HEMK2: variants seen among roughly 807,000 people sequenced by gnomAD.
HEMK2 encodes HemK methyltransferase 2, ETF1 glutamine and histone H4 lysine, also known as methyltransferase HEMK2.
the HEMK2 span, among the ~76,000 whole-genome samples, chr21:28,881,732 AG>A: frequency 6.6e-6 from 1 of 151,004 alleles, no homozygotes; most frequent in Non-Finnish European, 1.5e-5. Context: ...CCCAGGGTCA[AG>A]TGATCCTCGC....
the HEMK2 span, chr21:28,876,557 T>C: frequency 2.1e-6 from 2 of 947,674 alleles, no homozygotes; most frequent in Non-Finnish European, 1.6e-6. Context: ...CAATAAGCAA[T>C]TTAATAAGTT....
chr21:28,700,086 T>C, the HEMK2 span, among the ~76,000 whole-genome samples: 1 of 152,130 alleles, frequency 6.6e-6, no homozygotes, highest in African/African-American at 2.4e-5. Flanking sequence ...TAACAAAACA[T>C]CCAGGAGGAG....
the HEMK2 span, among the ~76,000 whole-genome samples, chr21:28,770,143 T>G: frequency 1.2e-4 from 18 of 152,160 alleles, no homozygotes; most frequent in Non-Finnish European, 2.2e-4. Flanking sequence ...TAAGTTGTAT[T>G]TTCCATCTCA....
the HEMK2 span, among the ~76,000 whole-genome samples, chr21:28,844,245 G>A: frequency 3.3e-5 from 5 of 152,028 alleles, 1 homozygote; most frequent in South Asian, 1.0e-3. Context: ...CCTCAACAGT[G>A]GCTGATGGTC....
At chr21:28,664,842 G>A in the HEMK2 span, among the ~76,000 whole-genome samples, 2,514 of 152,122 alleles carry the variant, frequency 0.017, 71 homozygotes, top group African/African-American at 0.056. Flanking sequence ...ATACTCAAGA[G>A]GGGTAGATTT....
the HEMK2 span, among the ~76,000 whole-genome samples, chr21:28,745,537 AC>A: frequency 6.6e-5 from 10 of 152,162 alleles, no homozygotes; most frequent in Non-Finnish European, 1.5e-4. Flanking sequence ...AGTCCTCGGA[AC>A]CAAGAAAACG....
At chr21:28,716,560 C>G in the HEMK2 span, among the ~76,000 whole-genome samples, 1 of 152,134 alleles carries the variant, frequency 6.6e-6, no homozygotes, top group South Asian at 2.1e-4. Context: ...TTCTAGATAT[C>G]AAATCATATC....
the HEMK2 span, among the ~76,000 whole-genome samples, chr21:28,727,825 C>T: frequency 1.3e-5 from 2 of 152,094 alleles, no homozygotes; most frequent in African/African-American, 4.8e-5. Flanking sequence ...AGCCTGAGGG[C>T]TTGCTTGAAA....
the HEMK2 span, among the ~76,000 whole-genome samples, chr21:28,697,878 G>A: frequency 4.6e-5 from 7 of 151,330 alleles, no homozygotes; most frequent in Non-Finnish European, 8.8e-5. Context: ...CCATAGACAC[G>A]GTGACTTGTA....
the HEMK2 span, among the ~76,000 whole-genome samples, chr21:28,838,947 CAAAAAAAAAAAA>C: frequency 4.8e-5 from 1 of 20,974 alleles, no homozygotes; most frequent in African/African-American, 1.8e-4. Flanking sequence ...AACTCCGCCT[CAAAAAAAAAAAA>C]AAAAAAAAAA....
the HEMK2 span, among the ~76,000 whole-genome samples, chr21:28,613,105 T>C: frequency 6.7e-6 from 1 of 150,128 alleles, no homozygotes; most frequent in Non-Finnish European, 1.5e-5. Context: ...GAAAGATAGA[T>C]AGATAGATAG....
the HEMK2 span, among the ~76,000 whole-genome samples, chr21:28,742,252 G>A: frequency 0.23 from 34,790 of 152,046 alleles, 4,619 homozygotes; most frequent in African/African-American, 0.35. Context: ...CCCTGGTTTA[G>A]AGTTTTACAT....
the HEMK2 span, among the ~76,000 whole-genome samples, chr21:28,765,568 T>G: frequency 6.6e-6 from 1 of 152,158 alleles, no homozygotes; most frequent in Admixed American, 6.5e-5. Context: ...CCATGTGGTT[T>G]GCAAATTATT....
the HEMK2 span, among the ~76,000 whole-genome samples, chr21:28,850,309 C>A: frequency 3.3e-5 from 5 of 150,276 alleles, no homozygotes; most frequent in African/African-American, 1.2e-4. Flanking sequence ...ACTGCAAGCT[C>A]CACCTCCCAG....
At chr21:28,716,650 C>T in the HEMK2 span, among the ~76,000 whole-genome samples, 1 of 152,026 alleles carries the variant, frequency 6.6e-6, no homozygotes, top group African/African-American at 2.4e-5. Flanking sequence ...GCTAGGACTT[C>T]CGGTACTATG....
the HEMK2 span, among the ~76,000 whole-genome samples, chr21:28,863,088 GTC>G: frequency 6.6e-6 from 1 of 152,094 alleles, no homozygotes; most frequent in Non-Finnish European, 1.5e-5. Flanking sequence ...TCCTGGGTGT[GTC>G]TCTGAGGGTG....
chr21:28,736,717 A>G, the HEMK2 span, among the ~76,000 whole-genome samples: 1 of 151,932 alleles, frequency 6.6e-6, no homozygotes, highest in Non-Finnish European at 1.5e-5. Flanking sequence ...TTGAGTTGAT[A>G]TCGTGTCACT....
the HEMK2 span, among the ~76,000 whole-genome samples, chr21:28,857,357 C>T: frequency 6.8e-4 from 103 of 151,948 alleles, no homozygotes; most frequent in African/African-American, 2.3e-3. Flanking sequence ...TGTAAATGTT[C>T]AATGAACATA....
the HEMK2 span, among the ~76,000 whole-genome samples, chr21:28,593,719 T>C: frequency 2.0e-5 from 3 of 152,024 alleles, no homozygotes; most frequent in Non-Finnish European, 4.4e-5. Context: ...TTGTGCAAAA[T>C]AAAAAACAGT....
Sources: allele counts gnomAD v4.1 joint callset (sites outside exome capture counted in the v4.1 genomes callset), GRCh38; gene constraint gnomAD v4.1.1; transcripts MANE v1.5; gene names NCBI Gene and HGNC (gene_info 2026-07-23, HGNC 2026-07-21).